The following CIT variants were observed in gnomAD, a reference collection of about 807,000 sequenced individuals.
The protein encoded by CIT is citron Rho-interacting kinase.
A neutral mutation model predicts 272.7 loss-of-function variants in CIT; 79 were observed. The observed-to-expected ratio is 0.29, with a 90% confidence interval of 0.24 to 0.35. The LOEUF is 0.35. CIT is among the 10% of genes least tolerant of loss of function. The probability of loss-of-function intolerance (pLI) is 1.00; values close to 1 mark genes in which losing one functional copy is unlikely to be tolerated. For missense variants in CIT, 1,909 were observed against 2,618.3 expected (o/e 0.73, Z 5.91); for synonymous variants, 948 against 995.6 (o/e 0.95, Z 0.90).
Position 119,850,238 on chromosome 12 carries a change from C to T in CIT, c.452G>A (p.Arg151Gln), listed in dbSNP as rs61735296. Residue 151 changes from arginine (R) to glutamine (Q), a missense_variant, in exon 5 of 48, where the codon CGA becomes CAA. This residue lies in a region of CIT where 529 missense variants were observed against 549.6 expected (regional missense o/e 0.96). Transcript: ENST00000392521. ...TTGGGGGATCCACGGGCTTGTGCTT[C>T]GAGATAATATGTTCCGCTCTTCCTC... Reference protein sequence around the residue: ...FFEEERNILSRSTSPWIPQLQ... With the variant: ...FFEEERNILSQSTSPWIPQLQ... 1.1e-3 allele frequency: 1,765 copies of T among 1,613,138 alleles called. 19 individuals are homozygous for T. In the African/African-American group the frequency reaches 0.021, roughly 19 times the overall value.
In CIT at chr12:119,796,467, G is replaced by A. The variant is rs569417750; in HGVS notation, c.1295+6739C>T. Among the ~76,000 whole-genome samples, 6 of 152,284 alleles carry A rather than the reference G, an allele frequency of 3.9e-5. No individual in the cohort carries two copies. The East Asian group carries it at 9.6e-4, about 24-fold the overall frequency. ...GCGGGGGAGGCAGAAAAGAATTTAC[G>A]ATGACTCAGCTTTCTTGCCTAGAAG... On this transcript the variant is annotated intron_variant, in intron 10 of 47. Coordinates refer to ENST00000392521, the MANE Select transcript of CIT (RefSeq NM_001206999.2).
chr12:119,753,296 G>C lies in CIT; in HGVS notation c.2707-1049C>G, dbSNP rs542813579. ...ACCCAGCTTCAGAGGGTCGGAGAAG[G>C]CTCCTCCCTAGAAAAGGTGGCACCC... On this transcript the variant is annotated intron_variant, in intron 22 of 47. Transcript: ENST00000392521. Among the ~76,000 whole-genome samples, 5 of 152,260 alleles carry C rather than the reference G, an allele frequency of 3.3e-5. No homozygotes were observed. In the East Asian group the frequency reaches 9.6e-4, roughly 29 times the overall value.
intron 10 of CIT, among the ~76,000 whole-genome samples, chr12:119,794,999 C>T (rs1404059181): frequency 1.3e-5 from 2 of 152,212 alleles, no homozygotes; most frequent in Non-Finnish European, 2.9e-5. Context: ...CTGAGTTCAG[C>T]CCACGTCTGT....
At chr12:119,860,822 TAA>T (rs561470396) in intron 3 of CIT, among the ~76,000 whole-genome samples, 13 of 136,432 alleles carry the variant, frequency 9.5e-5, no homozygotes, top group African/African-American at 1.1e-4. Flanking sequence ...TATGATTACT[TAA>T]AAAAAAAAAA....
At chr12:119,729,847 A>C (rs1215895311) in intron 27 of CIT, among the ~76,000 whole-genome samples, 1 of 152,236 alleles carries the variant, frequency 6.6e-6, no homozygotes, top group African/African-American at 2.4e-5. Context: ...GTGTCTATGT[A>C]TGCATCTGTG....
chr12:119,793,836 A>C (rs1379143713), intron 10 of CIT, among the ~76,000 whole-genome samples: 1 of 152,228 alleles, frequency 6.6e-6, no homozygotes, highest in Non-Finnish European at 1.5e-5. Flanking sequence ...AGGCTCTCAA[A>C]TAGCTGAATG....
intron 9 of CIT, among the ~76,000 whole-genome samples, chr12:119,816,649 G>A (rs888149072): frequency 3.9e-5 from 6 of 152,170 alleles, no homozygotes; most frequent in African/African-American, 1.4e-4. Flanking sequence ...CCGGTCCACG[G>A]ACCACACTCT....
At chr12:119,708,150 C>T (rs747452183) in intron 40 of CIT, 29 bp downstream of exon 40, 18 of 1,478,282 alleles carry the variant, frequency 1.2e-5, no homozygotes, top group Non-Finnish European at 1.6e-5. Flanking sequence ...CAGAACATTC[C>T]ACCAGCTAGG....
intron 4 of CIT, among the ~76,000 whole-genome samples, chr12:119,853,155 C>T (rs1295095845): frequency 6.6e-6 from 1 of 151,870 alleles, no homozygotes; most frequent in Non-Finnish European, 1.5e-5. Flanking sequence ...GGTGAAACCC[C>T]GTCTCTACTA....
intron 5 of CIT, among the ~76,000 whole-genome samples, chr12:119,847,327 C>T (rs1969882205): frequency 6.6e-6 from 1 of 152,228 alleles, no homozygotes; most frequent in Admixed American, 6.5e-5. Flanking sequence ...GGCACAGTGG[C>T]TCACGCCTAT....
chr12:119,862,980 G>A (rs116859812), intron 3 of CIT, among the ~76,000 whole-genome samples: 2,015 of 149,144 alleles, frequency 0.014, 29 homozygotes, highest in Non-Finnish European at 0.02. Context: ...CGAGGCCGGC[G>A]GATCACAAGG....
intron 23 of CIT, among the ~76,000 whole-genome samples, chr12:119,747,677 G>A (rs900519216): frequency 1.3e-5 from 2 of 152,014 alleles, no homozygotes; most frequent in African/African-American, 2.4e-5. Context: ...CCGAGATCAC[G>A]CCACTGCACT....
rs569389960 is a variant in CIT at position 119,850,429 on chromosome 12, G to T, written c.415-154C>A. Among the ~76,000 whole-genome samples the T allele has an allele frequency of 4.8e-5, 7 of 146,336 alleles. No individual in the cohort carries two copies. The East Asian group carries it at 1.2e-3, about 25-fold the overall frequency. On this transcript the variant is annotated intron_variant, in intron 4 of 47. Transcript: ENST00000392521. Reference sequence around the variant, plus strand: ...GGAAAAGAAAACAGAAGGAAGGAAGGAAGAAGAGGGAAAGGGAAGGAAAGG... The same window carrying T: ...GGAAAAGAAAACAGAAGGAAGGAAGTAAGAAGAGGGAAAGGGAAGGAAAGG...
At chr12:119,737,525 G>T (rs278111) in intron 24 of CIT, among the ~76,000 whole-genome samples, 128,378 of 151,938 alleles carry the variant, frequency 0.84, 54,697 homozygotes, top group African/African-American at 0.93. Flanking sequence ...CCACCTCTTC[G>T]TTTTCTCCCA....
chr12:119,740,007 C>T (rs1319339166), intron 24 of CIT, among the ~76,000 whole-genome samples: 1 of 152,204 alleles, frequency 6.6e-6, no homozygotes, highest in Non-Finnish European at 1.5e-5. Flanking sequence ...GGATAATACA[C>T]GTAGGTTACT....
chr12:119,866,465 G>A (rs1457038490), intron 3 of CIT, among the ~76,000 whole-genome samples: 2 of 152,134 alleles, frequency 1.3e-5, no homozygotes, highest in African/African-American at 4.8e-5. Context: ...TTTTCGAAAT[G>A]GGCCAAACAG....
intron 28 of CIT, among the ~76,000 whole-genome samples, chr12:119,724,810 G>C (rs1180948844): frequency 6.6e-6 from 1 of 151,722 alleles, no homozygotes; most frequent in African/African-American, 2.4e-5. Flanking sequence ...GTGATAGCAG[G>C]CACCTGTAGT....
At chr12:119,845,432 C>G (rs527935012) in intron 5 of CIT, among the ~76,000 whole-genome samples, 3 of 152,178 alleles carry the variant, frequency 2.0e-5, no homozygotes, top group South Asian at 4.2e-4. Flanking sequence ...GCAGGCGGAT[C>G]ACCTGGGGTC....
At chr12:119,689,768 T>G (rs1955822024) in intron 47 of CIT, among the ~76,000 whole-genome samples, 1 of 131,842 alleles carries the variant, frequency 7.6e-6, no homozygotes, top group Admixed American at 9.2e-5. Context: ...AGCTCCGCCC[T>G]CCGGGTTCAC....
Sources: gnomAD v4.1 joint callset for allele counts (sites outside exome capture counted in the v4.1 genomes callset) on GRCh38, gnomAD v4.1.1 for gene constraint, gnomAD v4.1.1 regional missense constraint, MANE v1.5 for transcripts, NCBI Gene and HGNC (gene_info 2026-07-23, HGNC 2026-07-21) for gene names.